Variants in ARHGAP6 observed in about 807,000 individuals in gnomAD.
ARHGAP6 encodes the protein rho GTPase-activating protein 6.
A neutral mutation model predicts 55.7 loss-of-function variants in ARHGAP6; 16 were observed. The observed-to-expected ratio is 0.29, with a 90% CI of 0.19 to 0.44. The LOEUF (loss-of-function observed/expected upper bound fraction) is 0.44, where lower values mean the gene tolerates loss of function less well. Ranked by LOEUF, ARHGAP6 falls within the 20% of genes least tolerant of loss-of-function variation. The pLI is 1.00. For missense variants in ARHGAP6, 698 were observed against 808.9 expected, an observed-to-expected ratio of 0.86 and a Z score of 1.66; for synonymous variants, 382 against 360.9, an observed-to-expected ratio of 1.06 and a Z score of -0.66.
intron 1 of ARHGAP6, among the ~76,000 whole-genome samples, chrX:11,433,269 C>A (rs2049957506): frequency 8.9e-6 from 1 of 111,955 alleles, no homozygotes; most frequent in South Asian, 3.8e-4. Context: ...ATATGATAAT[C>A]CGAGAATTCA....
intron 1 of ARHGAP6, among the ~76,000 whole-genome samples, chrX:11,350,426 AG>A (rs1204671713): frequency 8.9e-6 from 1 of 112,315 alleles, no homozygotes; most frequent in East Asian, 2.8e-4. Flanking sequence ...AGTGTTTGGA[AG>A]GGGCTGAAGG....
At chrX:11,377,180 A>G (rs769696939) in intron 1 of ARHGAP6, among the ~76,000 whole-genome samples, 2 of 112,242 alleles carry the variant, frequency 1.8e-5, no homozygotes, top group South Asian at 7.5e-4. Context: ...CCAGAAAGGT[A>G]AGCTCTTTTT....
At chrX:11,299,009 T>G (rs1267141636) in intron 1 of ARHGAP6, 1 of 1,195,894 alleles carries the variant, frequency 8.4e-7, no homozygotes, top group East Asian at 3.0e-5. Flanking sequence ...ATGCAAATCC[T>G]GTGAAAATGG....
At chrX:11,234,051 G>A (rs755537993) in intron 2 of ARHGAP6, among the ~76,000 whole-genome samples, 16 of 112,405 alleles carry the variant, frequency 1.4e-4, no homozygotes, top group East Asian at 5.6e-4. Flanking sequence ...ACTGATGGTC[G>A]TATTTCCTTT....
chrX:11,519,762 G>T (rs2050892686), intron 1 of ARHGAP6, among the ~76,000 whole-genome samples: 1 of 108,098 alleles, frequency 9.3e-6, no homozygotes, highest in African/African-American at 3.4e-5. Flanking sequence ...AATAAATGGT[G>T]CTGGGAAAAC....
At chrX:11,183,342 A>G in intron 5 of ARHGAP6, among the ~76,000 whole-genome samples, 1 of 111,848 alleles carries the variant, frequency 8.9e-6, no homozygotes, top group Non-Finnish European at 1.9e-5. Context: ...TCTACTATAA[A>G]TGACCCTATT....
intron 2 of ARHGAP6, among the ~76,000 whole-genome samples, chrX:11,218,161 T>C (rs1201072199): frequency 8.9e-6 from 1 of 111,742 alleles, no homozygotes; most frequent in Admixed American, 9.5e-5. Flanking sequence ...CTCCAGCTTT[T>C]TTCTTTTTGC....
intron 12 of ARHGAP6, among the ~76,000 whole-genome samples, chrX:11,141,149 GGAATAT>G (rs1390957344): frequency 2.3e-4 from 25 of 109,715 alleles, no homozygotes; most frequent in Admixed American, 2.1e-3. Flanking sequence ...AATGAGAAAG[GGAATAT>G]AAATATAAAT....
chrX:11,396,500 C>T lies in ARHGAP6; in HGVS notation c.589-141793G>A, dbSNP rs143590112. Among the ~76,000 whole-genome samples the T allele has an allele frequency of 1.8e-4, 20 of 111,627 alleles. 1 individual carries two copies. The East Asian group carries it at 5.1e-3, about 28-fold the overall frequency. On this transcript the variant is annotated intron_variant, in intron 1 of 12. Transcript: ENST00000337414. Reference sequence around the variant, plus strand: ...TCTTTTTTAAATTATCTAATAAAACCGTAGTTGATCAACATATTTTTTCCA... The same window carrying T: ...TCTTTTTTAAATTATCTAATAAAACTGTAGTTGATCAACATATTTTTTCCA...
At chrX:11,245,023 G>A (rs1249916776) in intron 2 of ARHGAP6, among the ~76,000 whole-genome samples, 1 of 111,849 alleles carries the variant, frequency 8.9e-6, no homozygotes, top group Non-Finnish European at 1.9e-5. Context: ...AAACCCTGGG[G>A]TGCTAGGAAG....
At chrX:11,653,473 C>T (rs2052608127) in intron 1 of ARHGAP6, among the ~76,000 whole-genome samples, 1 of 112,652 alleles carries the variant, frequency 8.9e-6, no homozygotes, top group Admixed American at 9.4e-5. Context: ...AAGTTTCTGG[C>T]ACACATAGTA....
chrX:11,273,565 C>T (rs1379195449), intron 1 of ARHGAP6, among the ~76,000 whole-genome samples: 1 of 111,388 alleles, frequency 9.0e-6, no homozygotes, highest in Non-Finnish European at 1.9e-5. Flanking sequence ...ATGTCATTTT[C>T]ACTCATGGGC....
At chrX:11,384,331 C>G (rs2049301353) in intron 1 of ARHGAP6, among the ~76,000 whole-genome samples, 1 of 112,080 alleles carries the variant, frequency 8.9e-6, no homozygotes, top group South Asian at 3.7e-4. Flanking sequence ...TACCAAGAAG[C>G]TTGAATACTT....
chrX:11,410,414 GAACAGGCA>G (rs755326599), intron 1 of ARHGAP6, among the ~76,000 whole-genome samples: 9 of 112,638 alleles, frequency 8.0e-5, no homozygotes, highest in Non-Finnish European at 1.5e-4. Flanking sequence ...AAAATCTCAA[GAACAGGCA>G]AATCTAGAGA....
chrX:11,176,255 A>ATATATATATATT (rs1555965242), intron 8 of ARHGAP6, among the ~76,000 whole-genome samples: 1 of 60,412 alleles, frequency 1.7e-5, no homozygotes, highest in Non-Finnish European at 3.0e-5. Context: ...ATATATATAT[A>ATATATATATATT]TATATATATT....
At chrX:11,309,242 T>C (rs903842393) in intron 1 of ARHGAP6, among the ~76,000 whole-genome samples, 3 of 111,754 alleles carry the variant, frequency 2.7e-5, no homozygotes, top group Admixed American at 1.9e-4. Context: ...CGTATCTTCT[T>C]ACCTCTCCAG....
In ARHGAP6 at chrX:11,535,822, C is replaced by CA. The variant is rs570970715; in HGVS notation, c.588+128418dup. On this transcript the variant is annotated intron_variant, in intron 1 of 12. Transcript: ENST00000337414. Reference sequence around the variant, plus strand: ...GTGATATGTTCAAAGCAAACAACAGCAAAAAATTCCATTTCCCATTGTTGC... The same window carrying CA: ...GTGATATGTTCAAAGCAAACAACAGCAAAAAAATTCCATTTCCCATTGTTGC... 1.2e-3 allele frequency among the ~76,000 whole-genome samples: 135 copies of CA among 111,983 alleles called. 3 individuals carry two copies. In the South Asian group the frequency reaches 0.045, roughly 37 times the overall value.
chrX:11,211,371 G>A (rs1477323653), intron 2 of ARHGAP6, among the ~76,000 whole-genome samples: 5 of 107,636 alleles, frequency 4.6e-5, no homozygotes, highest in South Asian at 4.1e-4. Context: ...ACAGGCGCCC[G>A]CCACACTAAT....
intron 1 of ARHGAP6, among the ~76,000 whole-genome samples, chrX:11,459,728 A>G (rs2050225942): frequency 8.9e-6 from 1 of 111,759 alleles, no homozygotes; most frequent in African/African-American, 3.3e-5. Context: ...ATTCACCCCA[A>G]TTACCCTACA....
Sources: allele counts gnomAD v4.1 joint callset (sites outside exome capture counted in the v4.1 genomes callset), GRCh38; gene constraint gnomAD v4.1.1; transcripts MANE v1.5; gene names NCBI Gene and HGNC (gene_info 2026-07-23, HGNC 2026-07-21).